The following LRMDA variants were observed in gnomAD, a reference collection of about 807,000 sequenced individuals.
The protein encoded by LRMDA is leucine-rich melanocyte differentiation-associated protein.
A neutral mutation model predicts 29.8 loss-of-function variants in LRMDA; 18 were observed. That is an observed-to-expected ratio of 0.60 (90% CI 0.42 to 0.90). The LOEUF (loss-of-function observed/expected upper bound fraction) is 0.90. LRMDA is among the 40% of genes least tolerant of loss of function. The probability of loss-of-function intolerance (pLI) is 0.00; values close to 1 mark genes in which losing one functional copy is unlikely to be tolerated. For missense variants in LRMDA, 273 were observed against 273.9 expected (o/e 1.00, Z 0.02); for synonymous variants, 125 against 109.4 (o/e 1.14, Z -0.89).
At chr10:75,637,735 G>C (rs552136790) in intron 2 of LRMDA, among the ~76,000 whole-genome samples, 10 of 152,188 alleles carry the variant, frequency 6.6e-5, no homozygotes, top group African/African-American at 1.9e-4. Context: ...TCTGTCACAC[G>C]TTGATTTCTG....
intron 2 of LRMDA, among the ~76,000 whole-genome samples, chr10:75,487,301 A>G (rs1844926915): frequency 6.6e-6 from 1 of 152,220 alleles, no homozygotes; most frequent in Non-Finnish European, 1.5e-5. Flanking sequence ...CAAAAACTGT[A>G]TGTACCAGCA....
chr10:76,316,756 A>C (rs1201769591), intron 5 of LRMDA, among the ~76,000 whole-genome samples: 3 of 152,204 alleles, frequency 2.0e-5, no homozygotes, highest in African/African-American at 7.2e-5. Context: ...TCTATGTTTG[A>C]ATATATGACA....
At chr10:75,982,467 G>A (rs1359202914) in intron 2 of LRMDA, among the ~76,000 whole-genome samples, 1 of 152,190 alleles carries the variant, frequency 6.6e-6, no homozygotes, top group African/African-American at 2.4e-5. Context: ...TTGTGGAGTT[G>A]TGGGGGTTGT....
At chr10:75,750,273 G>A (rs1160039140) in intron 2 of LRMDA, among the ~76,000 whole-genome samples, 9 of 148,722 alleles carry the variant, frequency 6.1e-5, no homozygotes, top group East Asian at 2.0e-4. Context: ...CTCCCTCCCC[G>A]CCGGGGCGGC....
At chr10:75,619,709 C>T (rs1320500673) in intron 2 of LRMDA, among the ~76,000 whole-genome samples, 1 of 152,166 alleles carries the variant, frequency 6.6e-6, no homozygotes, top group Admixed American at 6.5e-5. Context: ...CAGCAACTCT[C>T]CTTGAAGTAC....
intron 6 of LRMDA, among the ~76,000 whole-genome samples, chr10:76,531,119 A>G (rs931212902): frequency 1.1e-4 from 16 of 152,176 alleles, no homozygotes; most frequent in Admixed American, 2.0e-4. Flanking sequence ...TGTCACAGTA[A>G]TAAAGCACTG....
At chr10:75,917,290 T>C (rs551559940) in intron 2 of LRMDA, among the ~76,000 whole-genome samples, 2 of 152,302 alleles carry the variant, frequency 1.3e-5, no homozygotes, top group African/African-American at 4.8e-5. Context: ...TCCAGTATTC[T>C]GTTTTTGAAA....
In LRMDA at chr10:75,530,269, GAA is replaced by G. The variant is rs113474130; in HGVS notation, c.131+91785_131+91786del. On this transcript the variant is annotated intron_variant, in intron 2 of 6. Transcript: ENST00000611255. ...TCTACAGTGATCATATTTAGAATTT[GAA>G]AAAAAAAAATAACATTGATTGATGA... Among the ~76,000 whole-genome samples, 636 of 144,586 alleles carry G rather than the reference GAA, an allele frequency of 4.4e-3. 8 individuals are homozygous for G. Among genetic ancestry groups the G allele is most frequent in the African/African-American group, 0.015 (614 of 39,740 alleles). 94.9% of individuals were successfully genotyped at this position (144,586 alleles called of 152,430 possible).
intron 5 of LRMDA, among the ~76,000 whole-genome samples, chr10:76,197,617 C>T (rs1010987178): frequency 6.6e-6 from 1 of 152,104 alleles, no homozygotes; most frequent in Admixed American, 6.6e-5. Flanking sequence ...AAAGAATTAG[C>T]TGTTTAAAAT....
chr10:76,048,982 T>C (rs577963853), intron 4 of LRMDA, among the ~76,000 whole-genome samples: 1 of 152,136 alleles, frequency 6.6e-6, no homozygotes, highest in South Asian at 2.1e-4. Context: ...TAGGAACTTA[T>C]AGGGAGATGC....
intron 6 of LRMDA, among the ~76,000 whole-genome samples, chr10:76,339,901 A>G (rs1295039053): frequency 6.6e-6 from 1 of 152,094 alleles, no homozygotes; most frequent in East Asian, 1.9e-4. Flanking sequence ...ATCTTTTATA[A>G]TTTATTCCAG....
intron 5 of LRMDA, among the ~76,000 whole-genome samples, chr10:76,273,771 C>T (rs1840096828): frequency 1.3e-5 from 2 of 152,116 alleles, no homozygotes; most frequent in African/African-American, 4.8e-5. Context: ...GTTTCCCATC[C>T]AGTATCCCTG....
chr10:75,811,528 T>C lies in LRMDA; in HGVS notation c.132-224480T>C, dbSNP rs369194097. Among the ~76,000 whole-genome samples the C allele has an allele frequency of 7.2e-5, 11 of 152,348 alleles. No homozygotes were observed. The East Asian group carries it at 1.7e-3, about 24-fold the overall frequency. Reference sequence around the variant, plus strand: ...CACGGACTCAGGATCCTTCTCAACATGGTACTCATCTCATTTTAGGACTGA... The same window carrying C: ...CACGGACTCAGGATCCTTCTCAACACGGTACTCATCTCATTTTAGGACTGA... On this transcript the variant is annotated intron_variant, in intron 2 of 6. Transcript: ENST00000611255.
At chr10:75,576,473 C>T (rs867758558) in intron 2 of LRMDA, among the ~76,000 whole-genome samples, 15 of 152,376 alleles carry the variant, frequency 9.8e-5, no homozygotes, top group Middle Eastern at 3.4e-3. Context: ...CCCTGCCTGG[C>T]AGCTCTGAAG....
At chr10:75,446,123 T>C (rs1337261305) in intron 2 of LRMDA, among the ~76,000 whole-genome samples, 1 of 152,226 alleles carries the variant, frequency 6.6e-6, no homozygotes, top group Non-Finnish European at 1.5e-5. Context: ...TCTGTGTCTC[T>C]GTTATGAACT....
chr10:75,715,335 C>T (rs1457363244), intron 2 of LRMDA, among the ~76,000 whole-genome samples: 1 of 152,014 alleles, frequency 6.6e-6, no homozygotes, highest in Non-Finnish European at 1.5e-5. Context: ...ATTATAAAGA[C>T]AATATATATT....
intron 2 of LRMDA, among the ~76,000 whole-genome samples, chr10:75,603,644 A>G (rs1033379330): frequency 6.6e-5 from 10 of 152,252 alleles, no homozygotes; most frequent in African/African-American, 1.7e-4. Flanking sequence ...ACACATTAAC[A>G]TAACATTTTC....
chr10:75,958,538 C>T lies in LRMDA; in HGVS notation c.132-77470C>T, dbSNP rs115973755. Among the ~76,000 whole-genome samples the T allele has an allele frequency of 5.3e-3, 809 of 151,360 alleles. 12 individuals are homozygous for T. The highest frequency in any genetic ancestry group is 0.019 in the African/African-American group (773 of 41,388). ...CTGAAGATATAAAATGTGTCCTGGCCTGGAGCATCCCCTAAGAGTTCAGGT... is the reference window on the plus strand; with the variant it reads ...CTGAAGATATAAAATGTGTCCTGGCTTGGAGCATCCCCTAAGAGTTCAGGT... On this transcript the variant is annotated intron_variant, in intron 2 of 6. Transcript: ENST00000611255.
intron 5 of LRMDA, among the ~76,000 whole-genome samples, chr10:76,263,264 TAACA>T (rs1839965650): frequency 6.7e-6 from 1 of 150,186 alleles, no homozygotes; most frequent in Middle Eastern, 3.4e-3. Context: ...AAGGAACTTC[TAACA>T]AACTTTTTTT....
Sources: allele counts gnomAD v4.1 joint callset (sites outside exome capture counted in the v4.1 genomes callset), GRCh38; gene constraint gnomAD v4.1.1; transcripts MANE v1.5; gene names NCBI Gene and HGNC (gene_info 2026-07-23, HGNC 2026-07-21).